The following TRAK1 variants were observed in gnomAD, a reference collection of about 807,000 sequenced individuals.
TRAK1 encodes trafficking kinesin-binding protein 1.
A neutral mutation model predicts 92.1 loss-of-function variants in TRAK1; 33 were observed. That is an observed-to-expected ratio of 0.36 (90% CI 0.27 to 0.48). The LOEUF (loss-of-function observed/expected upper bound fraction) is 0.48, where lower values mean the gene tolerates loss of function less well. TRAK1 is among the 20% of genes least tolerant of loss of function. The probability of loss-of-function intolerance (pLI) is 0.99; values close to 1 mark genes in which losing one functional copy is unlikely to be tolerated. For synonymous variants in TRAK1, 521 were observed against 517.3 expected (o/e 1.01, Z -0.10); for missense variants, 1,123 against 1,257.9 (o/e 0.89, Z 1.62).
intron 1 of TRAK1, among the ~76,000 whole-genome samples, chr3:42,110,094 G>GTATATATATATATATATATA (rs375315730): frequency 2.9e-3 from 245 of 83,120 alleles, no homozygotes; most frequent in Non-Finnish European, 3.9e-3. Context: ...AGAACTTAAA[G>GTATATATATATATATATATA]TATATATATA....
At chr3:42,164,259 A>C (rs867509325) in intron 2 of TRAK1, among the ~76,000 whole-genome samples, 1 of 152,212 alleles carries the variant, frequency 6.6e-6, no homozygotes, top group Non-Finnish European at 1.5e-5. Flanking sequence ...TACATTGTCA[A>C]CTTGCCTAAA....
Position 42,212,435 on chromosome 3 carries a change from T to G in TRAK1, c.1963+2450T>G, listed in dbSNP as rs561371957. ...GGAAAACTTGTATGCTAGGCACTTT[T>G]GTCCAGAGCCTGCTGTCCCATGGAG... On this transcript the variant is annotated intron_variant, in intron 14 of 15. Transcript: ENST00000327628. 2.1e-5 allele frequency: 21 copies of G among 985,464 alleles called. No individual in the cohort carries two copies. The South Asian group carries it at 8.9e-4, about 42-fold the overall frequency. 61.0% of individuals were successfully genotyped at this position (985,464 alleles called of 1,614,324 possible). A position where few individuals can be genotyped will look rare whatever the true frequency, so the allele number is the denominator to read the frequency against.
chr3:42,091,464 C>G lies in TRAK1; in HGVS notation c.-6C>G, dbSNP rs1028421958. ...TCTGAAGTGCCTTTGGAGTTTATGT[C>G]TGCACATGGCATTGGTTTTTCAATT... On this transcript the variant is annotated 5_prime_UTR_variant, in exon 1 of 16. Transcript: ENST00000327628. 5.0e-6 allele frequency: 8 copies of G among 1,613,200 alleles called. No individual in the cohort carries two copies. In the African/African-American group the frequency reaches 9.3e-5, roughly 19 times the overall value.
intron 1 of TRAK1, among the ~76,000 whole-genome samples, chr3:42,022,186 A>T (rs1701745963): frequency 6.6e-6 from 1 of 152,170 alleles, no homozygotes; most frequent in Non-Finnish European, 1.5e-5. Context: ...GTCCCAAGGC[A>T]TTAGAAGAAT....
At chr3:42,188,876 G>A (rs994264062) in intron 5 of TRAK1, 140 bp from the exon 6 acceptor site, 3 of 630,814 alleles carry the variant, frequency 4.8e-6, no homozygotes, top group South Asian at 2.0e-5. Context: ...TGCACTGGGG[G>A]CGCTGTCTTC....
At chr3:42,081,576 A>C (rs1051808750) in intron 1 of TRAK1, among the ~76,000 whole-genome samples, 2 of 152,220 alleles carry the variant, frequency 1.3e-5, no homozygotes, top group African/African-American at 2.4e-5. Flanking sequence ...TGGACAATGC[A>C]TGAAGCTTGT....
At chr3:42,060,109 TAGA>T (rs1703366486) in intron 1 of TRAK1, among the ~76,000 whole-genome samples, 1 of 152,092 alleles carries the variant, frequency 6.6e-6, no homozygotes, top group African/African-American at 2.4e-5. Flanking sequence ...GGAAAGCCCA[TAGA>T]AGGTTTTCAA....
At chr3:42,038,657 G>A (rs995264534) in intron 1 of TRAK1, among the ~76,000 whole-genome samples, 3 of 151,566 alleles carry the variant, frequency 2.0e-5, no homozygotes, top group Admixed American at 1.3e-4. Flanking sequence ...GCGTGGTGGC[G>A]GGCGCCTGTA....
At chr3:42,159,823 G>A (rs973506734) in intron 2 of TRAK1, among the ~76,000 whole-genome samples, 1 of 152,148 alleles carries the variant, frequency 6.6e-6, no homozygotes, top group Non-Finnish European at 1.5e-5. Flanking sequence ...TCTTAAGCCC[G>A]CCCACAGGAA....
intron 3 of TRAK1, among the ~76,000 whole-genome samples, chr3:42,178,350 G>T (rs1178058887): frequency 3.3e-5 from 5 of 152,034 alleles, no homozygotes; most frequent in Non-Finnish European, 7.4e-5. Flanking sequence ...CATTGCTCAA[G>T]GTCCTGAACC....
At chr3:42,221,949 GAC>G (rs1710400652) in intron 15 of TRAK1, 1 of 140,834 alleles carries the variant, frequency 7.1e-6, no homozygotes, top group African/African-American at 3.2e-5. Context: ...GGCAATTTTT[GAC>G]AGTTTTTAGG....
chr3:42,015,346 A>C (rs893344023), intron 1 of TRAK1, among the ~76,000 whole-genome samples: 1 of 152,096 alleles, frequency 6.6e-6, no homozygotes, highest in African/African-American at 2.4e-5. Context: ...GTTGGGTTTC[A>C]GCTTGGCCCC....
intron 2 of TRAK1, chr3:42,160,430 G>A (rs748652717): frequency 7.4e-6 from 12 of 1,614,234 alleles, no homozygotes; most frequent in Admixed American, 1.7e-5. Context: ...AAGAGAGGAA[G>A]CCAACCCACA....
At chr3:42,083,309 T>C (rs1704521087), upstream of TRAK1, among the ~76,000 whole-genome samples, 1 of 152,222 alleles carries the variant, frequency 6.6e-6, no homozygotes, top group Non-Finnish European at 1.5e-5. Flanking sequence ...CTATCTGCTT[T>C]AGGTCTGTGA....
chr3:42,199,305 A>G, intron 11 of TRAK1, 52 bp downstream of exon 11: 1 of 1,587,786 alleles, frequency 6.3e-7, no homozygotes, highest in Non-Finnish European at 8.6e-7. Flanking sequence ...AACTTGGACC[A>G]GTGCAGTGTT....
intron 3 of TRAK1, among the ~76,000 whole-genome samples, chr3:42,182,797 T>C (rs2149386948): frequency 6.6e-6 from 1 of 152,360 alleles, no homozygotes; most frequent in Non-Finnish European, 1.5e-5. Flanking sequence ...AAGGGAGATG[T>C]CTGCTATTGC....
Position 42,160,448 on chromosome 3 carries a change from T to A in TRAK1, c.287-16366T>A, listed in dbSNP as rs138273292. ...AGAGGAAGCCAACCCACAGGCAGCA[T>A]GACACCCAGGACCTCTTGGAAGAGG... is the stretch of plus-strand genomic sequence containing the variant. On this transcript the variant is annotated intron_variant, in intron 2 of 15. Transcript: ENST00000327628. 8 of 1,614,090 alleles carry A rather than the reference T, an allele frequency of 5.0e-6. No individual in the cohort carries two copies. The African/African-American group carries it at 1.1e-4, about 22-fold the overall frequency.
chr3:42,141,934 G>C (rs554206382), intron 2 of TRAK1, among the ~76,000 whole-genome samples: 1 of 152,046 alleles, frequency 6.6e-6, no homozygotes, highest in African/African-American at 2.4e-5. Flanking sequence ...TCAGGAGTTC[G>C]AGACCAGCCT....
chr3:42,106,526 A>C (rs1200784885), intron 1 of TRAK1, among the ~76,000 whole-genome samples: 1 of 152,246 alleles, frequency 6.6e-6, no homozygotes, highest in Non-Finnish European at 1.5e-5. Context: ...AAGATAAAAA[A>C]TAAAAATATA....
Sources: allele counts gnomAD v4.1 joint callset (sites outside exome capture counted in the v4.1 genomes callset), GRCh38; gene constraint gnomAD v4.1.1; transcripts MANE v1.5; gene names NCBI Gene and HGNC (gene_info 2026-07-23, HGNC 2026-07-21).